The following CDKAL1 variants were observed in gnomAD, a reference collection of about 807,000 sequenced individuals.
CDKAL1 encodes the protein threonylcarbamoyladenosine tRNA methylthiotransferase.
In CDKAL1, 32 loss-of-function variants were observed where a neutral mutation model predicts 68.2. That is an observed-to-expected ratio of 0.47 (90% CI 0.35 to 0.63). CDKAL1 has a LOEUF of 0.63. Among genes scored for constraint, CDKAL1 ranks in the 30% least tolerant of loss-of-function variants. The pLI, the probability that CDKAL1 is intolerant of heterozygous loss-of-function variation, is 0.00. For synonymous variants in CDKAL1, 234 were observed against 244.3 expected (o/e 0.96, Z 0.39); for missense variants, 606 against 696.7 (o/e 0.87, Z 1.47).
At chr6:21,162,789 G>A (rs1210741220) in intron 13 of CDKAL1, among the ~76,000 whole-genome samples, 1 of 152,070 alleles carries the variant, frequency 6.6e-6, no homozygotes, top group East Asian at 1.9e-4. Flanking sequence ...TTAGTTGGGT[G>A]TGGTGGCATG....
At chr6:20,540,449 C>T (rs867856887) in intron 2 of CDKAL1, among the ~76,000 whole-genome samples, 1 of 148,474 alleles carries the variant, frequency 6.7e-6, no homozygotes, top group East Asian at 2.0e-4. Flanking sequence ...AATTCTGTTT[C>T]GACTTTGACT....
chr6:21,140,465 T>G (rs1447017217), intron 13 of CDKAL1, among the ~76,000 whole-genome samples: 2 of 152,166 alleles, frequency 1.3e-5, no homozygotes, highest in Non-Finnish European at 2.9e-5. Flanking sequence ...TGATAAAACT[T>G]TAATTCAGTC....
intron 9 of CDKAL1, among the ~76,000 whole-genome samples, chr6:20,861,480 A>G (rs903665426): frequency 6.6e-5 from 10 of 152,234 alleles, no homozygotes; most frequent in African/African-American, 2.2e-4. Context: ...TATTGCTTAT[A>G]TATTTCATAA....
At chr6:20,853,402 CA>C (rs869195000) in intron 9 of CDKAL1, among the ~76,000 whole-genome samples, 2 of 34,372 alleles carry the variant, frequency 5.8e-5, no homozygotes, top group South Asian at 1.7e-3. Flanking sequence ...AAAAAAAAAA[CA>C]AAAAAAAAAA....
chr6:21,166,366 T>C (rs1004542793), intron 13 of CDKAL1, among the ~76,000 whole-genome samples: 4 of 152,098 alleles, frequency 2.6e-5, no homozygotes, highest in East Asian at 1.9e-4. Flanking sequence ...ATTTGGACTT[T>C]GTAAAGAAAA....
rs571530202 is a variant in CDKAL1 at position 21,047,262 on chromosome 6, T to C, written c.1056-17786T>C. Among the ~76,000 whole-genome samples the C allele has an allele frequency of 2.0e-5, 3 of 152,106 alleles. No homozygotes were observed. The East Asian group carries it at 5.8e-4, about 29-fold the overall frequency. ...GGGCTTTGTAGATGACAGCTTCTCT[T>C]TGGAGAAAGGCTAGGCAGATGCTGC... On this transcript the variant is annotated intron_variant, in intron 11 of 15. Coordinates refer to ENST00000274695, the MANE Select transcript of CDKAL1 (RefSeq NM_017774.3).
At chr6:21,225,026 G>C (rs1779684209) in intron 15 of CDKAL1, among the ~76,000 whole-genome samples, 1 of 152,092 alleles carries the variant, frequency 6.6e-6, no homozygotes, top group African/African-American at 2.4e-5. Flanking sequence ...GCTAACACTG[G>C]CCCCTCCTAG....
At chr6:20,788,920 G>A (rs181458248) in intron 8 of CDKAL1, among the ~76,000 whole-genome samples, 16 of 152,276 alleles carry the variant, frequency 1.1e-4, no homozygotes, top group African/African-American at 3.1e-4. Flanking sequence ...AGCTTTCAGC[G>A]CAGTGTCTTT....
intron 15 of CDKAL1, among the ~76,000 whole-genome samples, chr6:21,228,013 C>T (rs922429310): frequency 3.9e-5 from 6 of 152,174 alleles, no homozygotes; most frequent in African/African-American, 1.4e-4. Context: ...TTAAGACTCA[C>T]CTAGTCCTTC....
chr6:20,927,800 A>G (rs145089948), intron 9 of CDKAL1, among the ~76,000 whole-genome samples: 7 of 152,288 alleles, frequency 4.6e-5, no homozygotes, highest in African/African-American at 1.7e-4. Context: ...GCTTATAAAC[A>G]CTATACATCT....
At chr6:21,106,756 A>G (rs1231328868) in intron 12 of CDKAL1, among the ~76,000 whole-genome samples, 2 of 152,184 alleles carry the variant, frequency 1.3e-5, no homozygotes, top group Non-Finnish European at 2.9e-5. Flanking sequence ...AAGGAACTTG[A>G]GCATCAGCGG....
intron 13 of CDKAL1, among the ~76,000 whole-genome samples, chr6:21,134,730 A>G (rs1420827455): frequency 1.3e-5 from 2 of 152,112 alleles, no homozygotes; most frequent in African/African-American, 4.8e-5. Flanking sequence ...CATAAGCTCT[A>G]TGAGCAATAC....
chr6:20,834,907 A>C (rs536649667), intron 8 of CDKAL1, among the ~76,000 whole-genome samples: 1 of 152,206 alleles, frequency 6.6e-6, no homozygotes, highest in Non-Finnish European at 1.5e-5. Context: ...ATCACCCCAT[A>C]GTGCCATAGC....
At chr6:20,642,510 T>C (rs1768229568) in intron 4 of CDKAL1, among the ~76,000 whole-genome samples, 1 of 147,544 alleles carries the variant, frequency 6.8e-6, no homozygotes. Context: ...GAGGGGCCCT[T>C]ATGCGTGAAA....
intron 4 of CDKAL1, among the ~76,000 whole-genome samples, chr6:20,645,642 A>T (rs1768409369): frequency 6.6e-6 from 1 of 151,804 alleles, no homozygotes; most frequent in African/African-American, 2.4e-5. Flanking sequence ...GAGGCAGGAG[A>T]ATCACTTGGG....
intron 13 of CDKAL1, among the ~76,000 whole-genome samples, chr6:21,126,371 A>G (rs1371220485): frequency 6.6e-6 from 1 of 152,176 alleles, no homozygotes; most frequent in Admixed American, 6.5e-5. Context: ...TTTAAGATAT[A>G]CTGTGCTTGG....
At chr6:21,071,771 A>T (rs1771780070) in intron 12 of CDKAL1, among the ~76,000 whole-genome samples, 1 of 152,102 alleles carries the variant, frequency 6.6e-6, no homozygotes, top group Non-Finnish European at 1.5e-5. Flanking sequence ...GTAAGAACTG[A>T]TTATTTTAAT....
In CDKAL1 at chr6:21,230,912, G is replaced by T; in HGVS notation, c.1613G>T (p.Cys538Phe). ...SGSHTSAASQ[C>F]DSASSRMVLP... ...TCCCACACCTCTGCTGCATCTCAGT[G>T]TGACTCAGCGAGTTCCAGAATGGTG... Residue 538 changes from cysteine to phenylalanine, a missense_variant, in exon 16 of 16, where the codon TGT (cysteine) becomes TTT (phenylalanine). Transcript: ENST00000274695. 1 of 1,614,074 alleles carries T rather than the reference G, an allele frequency of 6.2e-7. No individual in the cohort carries two copies. The highest frequency in any genetic ancestry group is 8.5e-7 in the Non-Finnish European group (1 of 1,179,948).
At chr6:21,182,658 T>C (rs1205958090) in intron 13 of CDKAL1, among the ~76,000 whole-genome samples, 1 of 152,212 alleles carries the variant, frequency 6.6e-6, no homozygotes, top group Non-Finnish European at 1.5e-5. Flanking sequence ...GTTTAATCTG[T>C]GATTAAAATC....
Sources: gnomAD v4.1 joint callset for allele counts (sites outside exome capture counted in the v4.1 genomes callset) on GRCh38, gnomAD v4.1.1 for gene constraint, MANE v1.5 for transcripts, NCBI Gene and HGNC (gene_info 2026-07-23, HGNC 2026-07-21) for gene names.